Variants in LPAR1 observed in about 807,000 individuals in gnomAD.
LPAR1 encodes lysophosphatidic acid receptor 1, also known as LPA receptor 1.
Under a neutral mutation model 23.8 loss-of-function variants are expected in LPAR1, and 5 were observed. The ratio of observed to expected loss-of-function variants is 0.21; its 90% CI spans 0.11 to 0.44. The LOEUF is 0.44. Ranked by LOEUF, LPAR1 falls within the 20% of genes least tolerant of loss-of-function variation. LPAR1 has a pLI of 0.99. For synonymous variants in LPAR1, 160 were observed against 164.7 expected (o/e 0.97, Z 0.22); for missense variants, 311 against 482.8 (o/e 0.64, Z 3.33).
chr9:110,961,068 CCT>C (rs1491419628), intron 4 of LPAR1, among the ~76,000 whole-genome samples: 19 of 15,208 alleles, frequency 1.2e-3, no homozygotes, highest in Admixed American at 0.012. Context: ...CCATTATTGT[CCT>C]TTTTTTATTA....
chr9:111,002,109 G>A (rs979593259), intron 2 of LPAR1, among the ~76,000 whole-genome samples: 3 of 152,000 alleles, frequency 2.0e-5, no homozygotes, highest in Non-Finnish European at 4.4e-5. Flanking sequence ...AAATAACAGT[G>A]GTTTTTTAAA....
intron 2 of LPAR1, among the ~76,000 whole-genome samples, chr9:110,977,903 G>GGAAGGAAAGAAGGAAA (rs1322036501): frequency 1.0e-5 from 1 of 99,636 alleles, no homozygotes; most frequent in Non-Finnish European, 2.2e-5. Flanking sequence ...AAGGAAGGAA[G>GGAAGGAAAGAAGGAAA]GAAGGAAAGA....
chr9:110,947,921 TAAATC>T (rs148214674), intron 4 of LPAR1, among the ~76,000 whole-genome samples: 145,427 of 151,998 alleles, frequency 0.96, 69,616 homozygotes, highest in African/African-American at 0.98. Context: ...TAATAAGATA[TAAATC>T]AAATCAAACC....
In LPAR1 at chr9:110,955,292, CAT is replaced by C. The variant is rs537889503; in HGVS notation, c.46-13126_46-13125del. On this transcript the variant is annotated intron_variant, in intron 4 of 5. Transcript: ENST00000683809. Reference sequence around the variant, plus strand: ...AAGAATGAACACAAGTACCTATACACATGTCAGATAAAATGGACTTTAAATTA... The same window carrying C: ...AAGAATGAACACAAGTACCTATACACGTCAGATAAAATGGACTTTAAATTA... Among the ~76,000 whole-genome samples, 40 of 152,236 alleles carry C rather than the reference CAT, an allele frequency of 2.6e-4. No individual in the cohort carries two copies. In the South Asian group the frequency reaches 8.1e-3, roughly 31 times the overall value.
At chr9:110,934,647 A>G (rs1453851412) in intron 5 of LPAR1, 1 of 152,192 alleles carries the variant, frequency 6.6e-6, no homozygotes, top group African/African-American at 2.4e-5. Flanking sequence ...TTATAATTTT[A>G]TTTACAGAAT....
intron 2 of LPAR1, among the ~76,000 whole-genome samples, chr9:111,014,848 T>C (rs2097407964): frequency 6.6e-6 from 1 of 152,036 alleles, no homozygotes; most frequent in African/African-American, 2.4e-5. Flanking sequence ...AAACTCTTCA[T>C]CCTTCCTGTT....
rs960233960 is a variant in LPAR1, at chr9:110,874,381, C to T, written c.*1040G>A. On this transcript the variant is annotated 3_prime_UTR_variant, in exon 6 of 6. Transcript: ENST00000683809. Reference sequence around the variant, plus strand: ...AAAGATCTACTTATAAAACTGTTTACAGTATGACTCCAATTATGTAAAAAA... The same window carrying T: ...AAAGATCTACTTATAAAACTGTTTATAGTATGACTCCAATTATGTAAAAAA... 1 of 152,556 alleles carries T rather than the reference C, an allele frequency of 6.6e-6. No individual in the cohort carries two copies. The highest frequency in any genetic ancestry group is 2.4e-5 in the African/African-American group (1 of 41,428). The allele number at this position is 152,556 out of a possible 1,614,324, so 9.5% of individuals were successfully genotyped here.
In LPAR1 at chr9:110,941,899, G is replaced by A. The variant is rs771923989; in HGVS notation, c.315C>T (p.Leu105=). The change falls in exon 5 of 6, where the codon CTC becomes CTT. Residue 105 remains leucine, a synonymous_variant. Transcript: ENST00000683809. The surrounding 1 kb of genome is among the most constrained non-coding windows in gnomAD (Gnocchi z 6.1). Reference sequence around the variant, plus strand: ...GAGTATTGGGTCCTGTGTTGAACATGAGATAGAAGTAGGCCAACCCAGCAA... The same window carrying A: ...GAGTATTGGGTCCTGTGTTGAACATAAGATAGAAGTAGGCCAACCCAGCAA... ...DFFAGLAYFY[L]MFNTGPNTRR... is the part of the protein sequence containing the mutation. 8.1e-6 allele frequency: 13 copies of A among 1,614,204 alleles called. No homozygotes were observed. Among genetic ancestry groups the A allele is most frequent in the Admixed American group, 1.7e-5 (1 of 60,022 alleles).
chr9:110,882,040 T>C (rs1193383750), intron 5 of LPAR1, among the ~76,000 whole-genome samples: 2 of 152,222 alleles, frequency 1.3e-5, no homozygotes, highest in Non-Finnish European at 2.9e-5. Context: ...TTTATGTCTA[T>C]TTACTTATTA....
At chr9:111,007,841 C>T (rs772216539) in intron 2 of LPAR1, among the ~76,000 whole-genome samples, 3 of 152,012 alleles carry the variant, frequency 2.0e-5, no homozygotes, top group Admixed American at 6.6e-5. Context: ...AAACTATATC[C>T]GGGAAATTGA....
chr9:111,002,674 C>T (rs546811262), intron 2 of LPAR1, among the ~76,000 whole-genome samples: 2 of 152,182 alleles, frequency 1.3e-5, no homozygotes, highest in South Asian at 4.2e-4. Context: ...TATTCCTAAT[C>T]GAAATTAAGA....
At position 110,926,480 on chromosome 9, in the gene LPAR1, A is replaced by G. The variant is rs529137181; in HGVS notation, c.793+14941T>C. ...TAATATAAAATCATATGCCTACTTG[A>G]AACATTCTTAGATACCCCATAATTT... On this transcript the variant is annotated intron_variant, in intron 5 of 5. Coordinates refer to ENST00000683809, the MANE Select transcript of LPAR1 (RefSeq NM_001351411.2). Among the ~76,000 whole-genome samples the G allele has an allele frequency of 2.6e-5, 4 of 152,328 alleles. No homozygotes were observed. The South Asian group carries it at 8.3e-4, about 32-fold the overall frequency.
chr9:111,036,710 C>T lies in LPAR1; in HGVS notation c.-261-509G>A, dbSNP rs181538405. On this transcript the variant is annotated intron_variant, in intron 1 of 5. Coordinates refer to ENST00000683809, the MANE Select transcript of LPAR1 (RefSeq NM_001351411.2). ...TCGGATGATGACAACCCAGCCTTCC[C>T]TCCTCGCTCCTCGCCCGTGCCTTCC... Among the ~76,000 whole-genome samples the T allele has an allele frequency of 1.4e-4, 21 of 152,314 alleles. No individual in the cohort carries two copies. In the East Asian group the frequency reaches 4.1e-3, roughly 29 times the overall value.
intron 2 of LPAR1, among the ~76,000 whole-genome samples, chr9:110,980,184 G>T (rs1036708338): frequency 7.2e-5 from 11 of 151,910 alleles, no homozygotes; most frequent in African/African-American, 2.7e-4. Context: ...TTTGCACATG[G>T]TACATCTATA....
At chr9:110,924,043 G>A (rs1259282676) in intron 5 of LPAR1, among the ~76,000 whole-genome samples, 1 of 151,760 alleles carries the variant, frequency 6.6e-6, no homozygotes, top group Non-Finnish European at 1.5e-5. Context: ...CATGAATAAA[G>A]ATAACACAAA....
intron 4 of LPAR1, among the ~76,000 whole-genome samples, chr9:110,961,125 TAA>T (rs1443907350): frequency 6.6e-6 from 1 of 151,776 alleles, no homozygotes; most frequent in East Asian, 1.9e-4. Context: ...TGTGATGAGC[TAA>T]GAGACAGCAA....
At chr9:110,968,924 A>G (rs1395815806) in intron 4 of LPAR1, among the ~76,000 whole-genome samples, 6 of 152,114 alleles carry the variant, frequency 3.9e-5, no homozygotes, top group African/African-American at 1.4e-4. Context: ...TTCCGTGGGT[A>G]AGGAAATAGA....
chr9:110,957,608 T>C (rs2095807836), intron 4 of LPAR1, among the ~76,000 whole-genome samples: 1 of 152,140 alleles, frequency 6.6e-6, no homozygotes, highest in Admixed American at 6.5e-5. Flanking sequence ...AGCCTATATA[T>C]GACAAATCCA....
chr9:110,942,047 C>T lies in LPAR1; in HGVS notation c.167G>A (p.Gly56Glu). The part of the protein sequence containing the change: ...NTVSKLVMGL[G>E]ITVCIFIMLA... ...CATGATGAAGATACAAACAGTGATTCCAAGTCCCATCACCAGCTTGCTGAC... is the reference window on the plus strand; with the variant it reads ...CATGATGAAGATACAAACAGTGATTTCAAGTCCCATCACCAGCTTGCTGAC... Residue 56 changes from glycine to glutamate, a missense_variant, in exon 5 of 6, where the codon GGA becomes GAA. Physicochemically the swap from Gly to Glu is moderately conservative, Grantham distance 98. Transcript: ENST00000683809. 6.2e-7 allele frequency: 1 copy of T among 1,614,110 alleles called. No individual in the cohort carries two copies. Among genetic ancestry groups the T allele is most frequent in the Non-Finnish European group, 8.5e-7 (1 of 1,180,002 alleles).
Sources: gnomAD v4.1 joint callset for allele counts (sites outside exome capture counted in the v4.1 genomes callset) on GRCh38, gnomAD v4.1.1 for gene constraint, Gnocchi (gnomAD v3.1) non-coding constraint, MANE v1.5 for transcripts, NCBI Gene and HGNC (gene_info 2026-07-23, HGNC 2026-07-21) for gene names.